Variants in GRAMD1B observed in about 807,000 individuals in gnomAD.
The protein encoded by GRAMD1B is protein Aster-B.
A neutral mutation model predicts 99.7 loss-of-function variants in GRAMD1B; 37 were observed. That is an observed-to-expected ratio of 0.37 (90% CI 0.29 to 0.49). GRAMD1B has a LOEUF of 0.49. Ranked by LOEUF, GRAMD1B falls within the 20% of genes least tolerant of loss-of-function variation. The pLI is 0.98. For synonymous variants in GRAMD1B, 427 were observed against 387.6 expected (o/e 1.10, Z -1.19); for missense variants, 888 against 1,009.2 (o/e 0.88, Z 1.63).
At chr11:123,585,480 G>A (rs111396802) in intron 4 of GRAMD1B, among the ~76,000 whole-genome samples, 58 of 152,210 alleles carry the variant, frequency 3.8e-4, no homozygotes, top group African/African-American at 1.0e-3. Flanking sequence ...GCCCAGCACC[G>A]CAAACAAGGC....
In GRAMD1B at chr11:123,624,848, C is replaced by G. The variant is rs1565486304; in HGVS notation, c.*2253C>G. 1 of 152,140 alleles carries G rather than the reference C, an allele frequency of 6.6e-6. No homozygotes were observed. The highest frequency in any genetic ancestry group is 1.5e-5 in the Non-Finnish European group (1 of 68,026). The allele number at this position is 152,140 out of a possible 1,614,324, so 9.4% of individuals were successfully genotyped here. ...TTGGGAGTCAAGTGACAGAGCAGAC[C>G]TGGCCGCAGGGAGTTGTTCTGCTTC... On this transcript the variant is annotated 3_prime_UTR_variant, in exon 20 of 20. Coordinates refer to ENST00000635736, the MANE Select transcript of GRAMD1B (RefSeq NM_001387025.1).
At chr11:123,458,104 T>TGA (rs141375594) in intron 1 of GRAMD1B, among the ~76,000 whole-genome samples, 35 of 151,562 alleles carry the variant, frequency 2.3e-4, no homozygotes, top group South Asian at 1.3e-3. Context: ...GTTGGAGTTC[T>TGA]GAGAGAGAGA....
intron 8 of GRAMD1B, among the ~76,000 whole-genome samples, chr11:123,602,674 C>T (rs1335084672): frequency 6.6e-6 from 1 of 152,172 alleles, no homozygotes; most frequent in Non-Finnish European, 1.5e-5. Context: ...CTTTGCCTCT[C>T]TCTGGAGACT....
At chr11:123,590,927 G>T (rs946283094) in intron 4 of GRAMD1B, among the ~76,000 whole-genome samples, 5 of 152,172 alleles carry the variant, frequency 3.3e-5, no homozygotes, top group Admixed American at 3.3e-4. Context: ...CCTGGACCCG[G>T]CTGTGGATCA....
chr11:123,547,240 C>G (rs932399608), intron 2 of GRAMD1B, among the ~76,000 whole-genome samples: 2 of 152,192 alleles, frequency 1.3e-5, no homozygotes. Flanking sequence ...GACCCCAACT[C>G]TCAATCTGGA....
At position 123,505,346 on chromosome 11, in the gene GRAMD1B, T is replaced by G. The variant is rs115087142; in HGVS notation, c.452+24453T>G. Among the ~76,000 whole-genome samples the G allele has an allele frequency of 2.8e-3, 425 of 152,248 alleles. 4 individuals carry two copies. The highest frequency in any genetic ancestry group is 9.9e-3 in the African/African-American group (411 of 41,536). ...CATGCTCAGCTTGTTTTGATGTCTT[T>G]GTTCACCTAAAACAGCAGGTGGGTT... On this transcript the variant is annotated intron_variant, in intron 2 of 19. Transcript: ENST00000635736.
At chr11:123,543,133 G>C (rs966726708) in intron 2 of GRAMD1B, among the ~76,000 whole-genome samples, 1 of 152,092 alleles carries the variant, frequency 6.6e-6, no homozygotes, top group Admixed American at 6.5e-5. Flanking sequence ...TCGAGCTTCT[G>C]GGTGGGAAGA....
At chr11:123,512,140 T>C (rs1056324313) in intron 2 of GRAMD1B, among the ~76,000 whole-genome samples, 4 of 152,238 alleles carry the variant, frequency 2.6e-5, no homozygotes, top group Non-Finnish European at 4.4e-5. Flanking sequence ...AAAGTGCTTG[T>C]ACTACCTTGA....
Position 123,606,813 on chromosome 11 carries a change from A to G in GRAMD1B, c.1513+15A>G. On this transcript the variant is annotated intron_variant, in intron 11 of 19. Coordinates refer to ENST00000635736, the MANE Select transcript of GRAMD1B (RefSeq NM_001387025.1). ...ACACGATGAAGGTGGGCATTTGAAA[A>G]TGGGTCTGGAGTGGCCCTTGCTCTG... 6.2e-7 allele frequency: 1 copy of G among 1,608,558 alleles called. No homozygotes were observed. The highest frequency in any genetic ancestry group is 8.5e-7 in the Non-Finnish European group (1 of 1,175,910).
rs1419728754 is a variant in GRAMD1B at position 123,622,716 on chromosome 11, T to TA, written c.*127dup. 4.1e-6 allele frequency: 1 copy of TA among 246,344 alleles called. No homozygotes were observed. The highest frequency in any genetic ancestry group is 2.3e-5 in the African/African-American group (1 of 43,146). 15.3% of individuals were successfully genotyped at this position (246,344 alleles called of 1,614,324 possible). A position where few individuals can be genotyped will look rare whatever the true frequency, so the allele number is the denominator to read the frequency against. On this transcript the variant is annotated 3_prime_UTR_variant, in exon 20 of 20. Transcript: ENST00000635736. The stretch of plus-strand genomic sequence containing the variant: ...AAATATATATATTATATACAGATTT[T>TA]AAAAAAGAGATAATGCCTATGTACC...
chr11:123,426,252 C>T (rs1201754398), upstream of GRAMD1B, among the ~76,000 whole-genome samples: 1 of 152,154 alleles, frequency 6.6e-6, no homozygotes, highest in Admixed American at 6.5e-5. Context: ...TCTAAGTAGG[C>T]TCCAGTTACC....
At chr11:123,559,777 G>A in intron 2 of GRAMD1B, 2 of 720,282 alleles carry the variant, frequency 2.8e-6, no homozygotes, top group Non-Finnish European at 3.4e-6. Context: ...TCTGGGAGCA[G>A]CTACACTGAA....
chr11:123,595,717 A>C (rs541131906), intron 6 of GRAMD1B, among the ~76,000 whole-genome samples: 2 of 152,296 alleles, frequency 1.3e-5, no homozygotes, highest in African/African-American at 4.8e-5. Context: ...TTTGCCCAAG[A>C]ATCAAGATAC....
chr11:123,583,669 G>T (rs994290042), intron 3 of GRAMD1B, among the ~76,000 whole-genome samples: 7 of 152,078 alleles, frequency 4.6e-5, no homozygotes, highest in Non-Finnish European at 1.0e-4. Context: ...CTGGGGTGGG[G>T]TCTGTTTTGC....
chr11:123,415,055 C>T (rs1272139997), intron 1 of GRAMD1B, among the ~76,000 whole-genome samples: 1 of 148,700 alleles, frequency 6.7e-6, no homozygotes, highest in Non-Finnish European at 1.5e-5. Context: ...GGCTGCCAGG[C>T]TGCCTTTTCT....
rs539295165 is a variant in GRAMD1B, at chr11:123,618,629, G to A, written c.2319-64G>A. 5.1e-5 allele frequency: 48 copies of A among 938,768 alleles called. No homozygotes were observed. In the South Asian group the frequency reaches 5.5e-4, roughly 11 times the overall value. The allele number at this position is 938,768 out of a possible 1,614,324, so 58.2% of individuals were successfully genotyped here. ...TCAGGGACAGCAGCCTCTGGGATGGGGGATGTCCTAGGCTCAGGTGACATC... is the reference window on the plus strand; with the variant it reads ...TCAGGGACAGCAGCCTCTGGGATGGAGGATGTCCTAGGCTCAGGTGACATC... On this transcript the variant is annotated intron_variant, in intron 17 of 19. Coordinates refer to ENST00000635736, the MANE Select transcript of GRAMD1B (RefSeq NM_001387025.1).
intron 8 of GRAMD1B, 122 bp downstream of exon 8, chr11:123,600,670 T>G: frequency 1.6e-6 from 1 of 611,302 alleles, no homozygotes; most frequent in Non-Finnish European, 2.9e-6. Flanking sequence ...TTGGCCTGAG[T>G]CCTGAAAGTA....
intron 1 of GRAMD1B, among the ~76,000 whole-genome samples, chr11:123,433,409 T>A (rs1282588920): frequency 6.6e-6 from 1 of 152,198 alleles, no homozygotes; most frequent in Non-Finnish European, 1.5e-5. Context: ...TAGTTTGTCA[T>A]GGCTTGTCGG....
intron 11 of GRAMD1B, chr11:123,608,107 A>C (rs12280083): frequency 0.03 from 5,313 of 177,130 alleles, 314 homozygotes; most frequent in African/African-American, 0.12. Context: ...AGGTATTGAC[A>C]TCATGGTAGA....
Sources: gnomAD v4.1 joint callset for allele counts (sites outside exome capture counted in the v4.1 genomes callset) on GRCh38, gnomAD v4.1.1 for gene constraint, MANE v1.5 for transcripts, NCBI Gene and HGNC (gene_info 2026-07-23, HGNC 2026-07-21) for gene names.